The following NOC4L variants were observed in gnomAD, a reference collection of about 807,000 sequenced individuals.
The protein encoded by NOC4L is nucleolar complex associated 4 homolog, also known as nucleolar complex protein 4 homolog.
Under a neutral mutation model 62.8 loss-of-function variants are expected in NOC4L, and 40 were observed. That is an observed-to-expected ratio of 0.64 (90% CI 0.49 to 0.83). NOC4L has a LOEUF of 0.83. NOC4L is among the 40% of genes least tolerant of loss of function. The pLI is 0.00. For missense variants in NOC4L, 927 were observed against 701.9 expected (o/e 1.32, Z -3.62); for synonymous variants, 433 against 299.8 (o/e 1.44, Z -4.59).
chr12:132,147,450 C>A (rs1220125501), intron 4 of NOC4L, 62 bp downstream of exon 4: 2 of 1,498,434 alleles, frequency 1.3e-6, no homozygotes, highest in East Asian at 4.9e-5. Context: ...CAGGATGGCC[C>A]CGTAGTGGGG....
chr12:132,147,876 G>T lies in NOC4L; in HGVS notation c.604-4G>T. 6.2e-7 allele frequency: 1 copy of T among 1,609,362 alleles called. No homozygotes were observed. The highest frequency in any genetic ancestry group is 8.5e-7 in the Non-Finnish European group (1 of 1,179,468). ...CGTCCAGGCACTCAGGCCAGGCTCC[G>T]CAGGTGCCCCCCGCCTTTTGGAACA... On this transcript the variant is annotated splice_region_variant and splice_polypyrimidine_tract_variant and intron_variant, in intron 5 of 14. Coordinates refer to ENST00000330579, the MANE Select transcript of NOC4L (RefSeq NM_024078.3).
intron 11 of NOC4L, 54 bp downstream of exon 11, chr12:132,151,422 C>T (rs368511127): frequency 1.9e-6 from 3 of 1,601,686 alleles, no homozygotes; most frequent in African/African-American, 1.3e-5. Flanking sequence ...CAGCCTGGGG[C>T]CAGGGGAGGG....
At chr12:132,151,689 G>A in intron 12 of NOC4L, 45 bp downstream of exon 12, 2 of 1,611,828 alleles carry the variant, frequency 1.2e-6, no homozygotes, top group Non-Finnish European at 1.7e-6. Context: ...CTGGGGCGGG[G>A]GTGCCTGGTG....
In NOC4L at chr12:132,152,373, T is replaced by C; in HGVS notation, c.1523T>C (p.Leu508Pro). The stretch of plus-strand genomic sequence containing the variant: ...GGCCTGCTGGGACGGCCGGGTGAAC[T>C]CTGTGCCCAGCACTTCACGCTCAGC... ...AQGLLGRPGE[L>P]CAQHFTLS Residue 508 changes from leucine to proline, a missense_variant, in exon 15 of 15, where the codon CTC becomes CCC. By Grantham distance (98) the Leu-to-Pro change is moderately conservative. Coordinates refer to ENST00000330579, the MANE Select transcript of NOC4L (RefSeq NM_024078.3). 4 of 1,579,520 alleles carry C rather than the reference T, an allele frequency of 2.5e-6. No homozygotes were observed. The highest frequency in any genetic ancestry group is 3.4e-6 in the Non-Finnish European group (4 of 1,161,930).
chr12:132,144,705 TG>T (rs1283325938), intron 1 of NOC4L, 100 bp downstream of exon 1: 6 of 1,134,528 alleles, frequency 5.3e-6, no homozygotes, highest in African/African-American at 2.2e-5. Context: ...GAGACGGCGT[TG>T]GGGGGTCAGG....
At position 132,147,623 on chromosome 12, in the gene NOC4L, T is replaced by C. The variant is rs748055378; in HGVS notation, c.454-10T>C. The C allele has an allele frequency of 6.2e-7, 1 of 1,612,422 alleles. No individual in the cohort carries two copies. Among genetic ancestry groups the C allele is most frequent in the Non-Finnish European group, 8.5e-7 (1 of 1,179,714 alleles). On this transcript the variant is annotated splice_polypyrimidine_tract_variant and intron_variant, in intron 4 of 14. Coordinates refer to ENST00000330579, the MANE Select transcript of NOC4L (RefSeq NM_024078.3). Reference sequence around the variant, plus strand: ...GCCGGGCAGGGCTGCTCACTGGTCCTTGCCCCTAGTTGGTGGTGGGAGGCC... The same window carrying C: ...GCCGGGCAGGGCTGCTCACTGGTCCCTGCCCCTAGTTGGTGGTGGGAGGCC...
At chr12:132,151,179 C>T (rs978761139) in intron 10 of NOC4L, 79 bp from the exon 11 acceptor site, 54 of 1,436,768 alleles carry the variant, frequency 3.8e-5, no homozygotes, top group Non-Finnish European at 5.0e-5. Flanking sequence ...GAGGAAGGGG[C>T]GCCGAGTGAG....
At position 132,151,831 on chromosome 12, in the gene NOC4L, T is replaced by C. The variant is rs745373985; in HGVS notation, c.1317+11T>C. On this transcript the variant is annotated intron_variant, in intron 13 of 14. Coordinates refer to ENST00000330579, the MANE Select transcript of NOC4L (RefSeq NM_024078.3). ...CTGTGGGAGCTTCAGGTGAGGGCGC[T>C]GCTGCCACACCCTGGGGCCTCCCGA... 26 of 1,608,604 alleles carry C rather than the reference T, an allele frequency of 1.6e-5. No homozygotes were observed. The highest frequency in any genetic ancestry group is 1.8e-5 in the Non-Finnish European group (21 of 1,178,010).
At chr12:132,144,685 A>C (rs1014403442) in intron 1 of NOC4L, 80 bp downstream of exon 1, 5 of 1,234,962 alleles carry the variant, frequency 4.0e-6, no homozygotes, top group Non-Finnish European at 5.2e-6. Flanking sequence ...GCAGGTCCCC[A>C]GGAGGTTCCG....
At chr12:132,145,525 CT>C (rs755418039) in intron 2 of NOC4L, 33 bp from the exon 3 acceptor site, 19 of 1,462,414 alleles carry the variant, frequency 1.3e-5, no homozygotes, top group Non-Finnish European at 1.7e-5. Flanking sequence ...GTATGTGGGC[CT>C]CACGTGGGCT....
intron 3 of NOC4L, chr12:132,146,282 A>G (rs1403863160): frequency 1.3e-5 from 6 of 455,540 alleles, no homozygotes; most frequent in Non-Finnish European, 2.6e-5. Flanking sequence ...GGCTTCTTCC[A>G]CTCATCGGCG....
At position 132,152,278 on chromosome 12, in the gene NOC4L, G is replaced by A. The variant is rs200716145; in HGVS notation, c.1432-4G>A. 11 of 1,572,552 alleles carry A rather than the reference G, an allele frequency of 7.0e-6. No homozygotes were observed. The East Asian group carries it at 2.6e-4, about 37-fold the overall frequency. ...TGAGAGCCGCCGTGCTTTGTGCTTT[G>A]CAGATCTTTGAGCGGGACCTGAAGA... On this transcript the variant is annotated splice_polypyrimidine_tract_variant and splice_region_variant and intron_variant, in intron 14 of 14. Transcript: ENST00000330579.
At position 132,148,812 on chromosome 12, in the gene NOC4L, T is replaced by C. The variant is rs1897831067; in HGVS notation, c.818T>C (p.Leu273Pro). Residue 273 changes from leucine (L) to proline (P), a missense_variant, in exon 9 of 15, where the codon CTG becomes CCG. Transcript: ENST00000330579. ...CCCCTCAGCCTCTACAAGAAGGTGC[T>C]GCTGATTGTGCATGACGCCATCCTG... Reference protein sequence around the residue: ...KLPLSLYKKVLLIVHDAILPQ... With the variant: ...KLPLSLYKKVPLIVHDAILPQ... The C allele has an allele frequency of 6.2e-7, 1 of 1,600,842 alleles. No homozygotes were observed.
Position 132,151,346 on chromosome 12 carries a change from G to C in NOC4L, c.1051G>C (p.Ala351Pro). 1 of 1,610,728 alleles carries C rather than the reference G, an allele frequency of 6.2e-7. No individual in the cohort carries two copies. Among genetic ancestry groups the C allele is most frequent in the Non-Finnish European group, 8.5e-7 (1 of 1,179,936 alleles). ...GTACCGCGCCCGCTTCTTCCACCTG[G>C]CTGACCTCTTCCTGTCCTCCTCGTG... is the stretch of plus-strand genomic sequence containing the variant. ...VKYRARFFHL[A>P]DLFLSSSHLP... The change falls in exon 11 of 15, where the codon GCT becomes CCT. Residue 351 changes from alanine (A) to proline (P), a missense_variant. By Grantham distance (27) the Ala-to-Pro change is conservative (BLOSUM62 -1). Coordinates refer to ENST00000330579, the MANE Select transcript of NOC4L (RefSeq NM_024078.3).
rs932028653 is a variant in NOC4L, at chr12:132,145,642, G to A, written c.322G>A (p.Gly108Ser). The A allele has an allele frequency of 6.2e-7, 1 of 1,613,250 alleles. No individual in the cohort carries two copies. The highest frequency in any genetic ancestry group is 2.2e-5 in the East Asian group (1 of 44,874). The change falls in exon 3 of 15, where the codon GGC becomes AGC. Residue 108 changes from glycine (G) to serine (S), a missense_variant. By Grantham distance (56) the Gly-to-Ser change is moderately conservative (BLOSUM62 0). Coordinates refer to ENST00000330579, the MANE Select transcript of NOC4L (RefSeq NM_024078.3). ...SCCNRLGELL[G>S]HPSFQVKELA... is the part of the protein sequence containing the mutation. ...CTGCAATCGCTTGGGAGAGCTCCTG[G>A]GCCACCCCTCCTTTCAGGTCAAGGT...
At position 132,151,053 on chromosome 12, in the gene NOC4L, C is replaced by T. The variant is rs759986483; in HGVS notation, c.962+12C>T. ...CACAAACACAACCTGTGAGTGTCAC[C>T]AGGGGTGCAGGTCTTCTTCCCAGTC... On this transcript the variant is annotated intron_variant, in intron 10 of 14. Transcript: ENST00000330579. The T allele has an allele frequency of 1.0e-5, 16 of 1,606,302 alleles. No individual in the cohort carries two copies. Among genetic ancestry groups the T allele is most frequent in the African/African-American group, 2.7e-5 (2 of 74,834 alleles).
In NOC4L at chr12:132,147,926, T is replaced by G; in HGVS notation, c.650T>G (p.Val217Gly). The change falls in exon 6 of 15, where the codon GTG (valine) becomes GGG (glycine). Residue 217 changes from valine to glycine, a missense_variant. Val to Gly is a moderately radical substitution (Grantham distance 109). Coordinates refer to ENST00000330579, the MANE Select transcript of NOC4L (RefSeq NM_024078.3). The part of the protein sequence containing the change: ...WNNAFTLLSA[V>G]SLPRREPTVS... ...AATGCCTTCACGCTGCTGTCTGCCG[T>G]GAGCCTGCCCCGCCGGGAGCCCACC... is the stretch of plus-strand genomic sequence containing the variant. The G allele has an allele frequency of 1.9e-6, 3 of 1,603,028 alleles. No individual in the cohort carries two copies. Among genetic ancestry groups the G allele is most frequent in the Non-Finnish European group, 2.6e-6 (3 of 1,175,636 alleles).
At chr12:132,147,486 C>A in intron 4 of NOC4L, 98 bp downstream of exon 4, 3 of 1,448,492 alleles carry the variant, frequency 2.1e-6, no homozygotes, top group Non-Finnish European at 2.8e-6. Context: ...CTGAGCCTGG[C>A]TGTTGGCTGG....
Position 132,151,814 on chromosome 12 carries a change from G to C in NOC4L, c.1311G>C (p.Glu437Asp). 6.2e-7 allele frequency: 1 copy of C among 1,611,590 alleles called. No homozygotes were observed. The highest frequency in any genetic ancestry group is 8.5e-7 in the Non-Finnish European group (1 of 1,179,480). The change falls in exon 13 of 15, where the codon GAG (glutamate) becomes GAC (aspartate). Residue 437 changes from glutamate (E) to aspartate (D), a missense_variant. Glu to Asp is a conservative substitution (Grantham distance 45). Transcript: ENST00000330579. The part of the protein sequence containing the change: ...QSRALESSLW[E>D]LQALQRHYHP... ...GGGCCTTGGAGAGCTCCCTGTGGGA[G>C]CTTCAGGTGAGGGCGCTGCTGCCAC... is the stretch of plus-strand genomic sequence containing the variant.
Sources: allele counts gnomAD v4.1 joint callset, GRCh38; gene constraint gnomAD v4.1.1; transcripts MANE v1.5; gene names NCBI Gene and HGNC (gene_info 2026-07-23, HGNC 2026-07-21).